Variants in RERE observed in about 807,000 individuals in gnomAD.
RERE encodes the protein arginine-glutamic acid dipeptide repeats protein.
In RERE, 40 loss-of-function variants were observed where a neutral mutation model predicts 146.1. The ratio of observed to expected loss-of-function variants is 0.27; its 90% CI spans 0.21 to 0.36. The LOEUF (loss-of-function observed/expected upper bound fraction) is 0.36. Among genes scored for constraint, RERE ranks in the 10% least tolerant of loss-of-function variants. The pLI is 1.00. For missense variants in RERE, 1,933 were observed against 2,138.7 expected (o/e 0.90, Z 1.90); for synonymous variants, 1,003 against 866.0 (o/e 1.16, Z -2.78).
chr1:8,757,039 G>A (rs1217253822), intron 1 of RERE, among the ~76,000 whole-genome samples: 2 of 145,136 alleles, frequency 1.4e-5, no homozygotes, highest in Non-Finnish European at 3.0e-5. Flanking sequence ...GCATTGAGCC[G>A]AGATTGTGCC....
chr1:8,527,212 T>A (rs1242204925), intron 7 of RERE, among the ~76,000 whole-genome samples: 1 of 152,206 alleles, frequency 6.6e-6, no homozygotes, highest in Non-Finnish European at 1.5e-5. Context: ...AAATGCCAAG[T>A]ACACTTAAAT....
chr1:8,355,667 G>T, intron 21 of RERE, 68 bp from the exon 22 acceptor site: 1 of 1,389,208 alleles, frequency 7.2e-7, no homozygotes, highest in Non-Finnish European at 9.7e-7. Flanking sequence ...GGGCGGCACA[G>T]GCACAGCAAA....
At chr1:8,715,545 T>C (rs1277586970) in intron 1 of RERE, among the ~76,000 whole-genome samples, 2 of 151,870 alleles carry the variant, frequency 1.3e-5, no homozygotes, top group Non-Finnish European at 2.9e-5. Flanking sequence ...TCAATACTGA[T>C]TTAACCACAA....
Position 8,405,224 on chromosome 1 carries a change from C to T in RERE, c.1284+17503G>A, listed in dbSNP as rs540426237. Reference sequence around the variant, plus strand: ...ATGCAAGGCACTGGCTACCAAAGGCCTTAAAAATGCACACACTACTTGAAA... The same window carrying T: ...ATGCAAGGCACTGGCTACCAAAGGCTTTAAAAATGCACACACTACTTGAAA... On this transcript the variant is annotated intron_variant, in intron 12 of 22. Coordinates refer to ENST00000400908, the MANE Select transcript of RERE (RefSeq NM_001042681.2). Among the ~76,000 whole-genome samples, 3 of 152,196 alleles carry T rather than the reference C, an allele frequency of 2.0e-5. No homozygotes were observed. In the East Asian group the frequency reaches 5.8e-4, roughly 29 times the overall value.
At chr1:8,685,681 C>A (rs1387090051) in intron 1 of RERE, among the ~76,000 whole-genome samples, 4 of 152,160 alleles carry the variant, frequency 2.6e-5, no homozygotes, top group Admixed American at 1.3e-4. Context: ...TTTAGAGATG[C>A]CAAATAAGAC....
intron 7 of RERE, among the ~76,000 whole-genome samples, chr1:8,536,785 C>T (rs1645732339): frequency 6.6e-6 from 1 of 152,156 alleles, no homozygotes; most frequent in Admixed American, 6.5e-5. Context: ...AAGCAAAGCC[C>T]AATTACCTCA....
Position 8,359,808 on chromosome 1 carries a change from GCTCCTT to G in RERE, c.3568_3573del (p.Lys1190_Glu1191del), listed in dbSNP as rs147985313. The G allele has an allele frequency of 3.9e-3, 6,208 of 1,604,552 alleles. 23 individuals are homozygous for G. The highest frequency in any genetic ancestry group is 7.5e-3 in the East Asian group (335 of 44,832). ...CGCTCCCGCTCTCGCTCCCGCTCCC[GCTCCTT>G]CTCCTTCTCCTTCTCCCGCTCTCGC... On this transcript the variant is annotated inframe_deletion, in exon 19 of 23. Coordinates refer to ENST00000400908, the MANE Select transcript of RERE (RefSeq NM_001042681.2).
intron 12 of RERE, among the ~76,000 whole-genome samples, chr1:8,378,937 A>G (rs560314172): frequency 6.6e-6 from 1 of 152,314 alleles, no homozygotes; most frequent in African/African-American, 2.4e-5. Context: ...AACAGGTGCC[A>G]AAGGGTAGAG....
intron 3 of RERE, among the ~76,000 whole-genome samples, chr1:8,617,129 G>T (rs12140566): frequency 0.16 from 23,611 of 151,962 alleles, 2,207 homozygotes; most frequent in Middle Eastern, 0.24. Context: ...CGGATCACAA[G>T]GTCAGGAGTT....
intron 6 of RERE, among the ~76,000 whole-genome samples, chr1:8,551,946 C>T (rs1645940881): frequency 6.6e-6 from 1 of 152,206 alleles, no homozygotes; most frequent in East Asian, 1.9e-4. Context: ...AAAATGCTAA[C>T]TTTACTCTAT....
At chr1:8,372,417 G>C (rs1642072738) in intron 12 of RERE, among the ~76,000 whole-genome samples, 1 of 151,928 alleles carries the variant, frequency 6.6e-6, no homozygotes, top group East Asian at 1.9e-4. Context: ...ACTCCCCTGA[G>C]GAAGGGGAGG....
chr1:8,601,626 C>CCA (rs3082094), intron 4 of RERE, among the ~76,000 whole-genome samples: 8,517 of 94,528 alleles, frequency 0.09, 855 homozygotes, highest in South Asian at 0.17. Context: ...TCCAAGGTCA[C>CCA]CACACACACA....
chr1:8,479,421 C>G (rs1345297202), intron 10 of RERE, among the ~76,000 whole-genome samples: 1 of 151,502 alleles, frequency 6.6e-6, no homozygotes, highest in East Asian at 1.9e-4. Flanking sequence ...ACATCAAATC[C>G]CTGGAACCTA....
At chr1:8,614,237 C>T (rs1387738096) in intron 4 of RERE, among the ~76,000 whole-genome samples, 2 of 152,192 alleles carry the variant, frequency 1.3e-5, no homozygotes, top group Admixed American at 1.3e-4. Context: ...TGAGCTCAAA[C>T]TTACCCCCTT....
chr1:8,694,974 G>GGC (rs1553135222), intron 1 of RERE, among the ~76,000 whole-genome samples: 12 of 26,870 alleles, frequency 4.5e-4, no homozygotes, highest in Admixed American at 2.9e-3. Flanking sequence ...GAAATCCTAA[G>GGC]GGGGGGGGGG....
intron 1 of RERE, among the ~76,000 whole-genome samples, chr1:8,715,282 C>T (rs952675942): frequency 7.9e-5 from 12 of 151,608 alleles, no homozygotes; most frequent in Non-Finnish European, 7.4e-5. Flanking sequence ...GAGGCCGAGG[C>T]GGGCAGATCA....
intron 10 of RERE, among the ~76,000 whole-genome samples, chr1:8,480,306 A>G (rs147153478): frequency 0.028 from 4,252 of 150,778 alleles, 173 homozygotes; most frequent in African/African-American, 0.098. Context: ...CACCCGACTA[A>G]TTTTTGTATT....
intron 1 of RERE, among the ~76,000 whole-genome samples, chr1:8,694,402 A>T (rs1314549678): frequency 1.3e-5 from 2 of 152,218 alleles, no homozygotes; most frequent in African/African-American, 2.4e-5. Flanking sequence ...GAAAATAACT[A>T]GGAATACACC....
intron 15 of RERE, 82 bp downstream of exon 15, chr1:8,363,974 C>G (rs536976455): frequency 1.7e-5 from 22 of 1,316,746 alleles, no homozygotes; most frequent in Non-Finnish European, 2.3e-5. Context: ...CTTTCGCTTC[C>G]TCCCCCTGGG....
Sources: gnomAD v4.1 joint callset for allele counts (sites outside exome capture counted in the v4.1 genomes callset) on GRCh38, gnomAD v4.1.1 for gene constraint, MANE v1.5 for transcripts, NCBI Gene and HGNC (gene_info 2026-07-23, HGNC 2026-07-21) for gene names.